Variants in MYBPC1 observed in about 807,000 individuals in gnomAD.
MYBPC1 encodes the protein myosin-binding protein C, slow-type.
A neutral mutation model predicts 147.1 loss-of-function variants in MYBPC1; 52 were observed. The ratio of observed to expected loss-of-function variants is 0.35; its 90% CI spans 0.28 to 0.45. The LOEUF is 0.45. MYBPC1 is among the 20% of genes least tolerant of loss of function. MYBPC1 has a pLI of 1.00. For synonymous variants in MYBPC1, 477 were observed against 475.9 expected, an observed-to-expected ratio of 1.00 and a Z score of -0.03; for missense variants, 1,228 against 1,440.3, an observed-to-expected ratio of 0.85 and a Z score of 2.39.
In MYBPC1 at chr12:101,646,296, T is replaced by G. The variant is rs554954286; in HGVS notation, c.966-467T>G. Among the ~76,000 whole-genome samples, 20 of 150,424 alleles carry G rather than the reference T, an allele frequency of 1.3e-4. No individual in the cohort carries two copies. The South Asian group carries it at 4.0e-3, about 30-fold the overall frequency. On this transcript the variant is annotated intron_variant, in intron 12 of 31. Coordinates refer to ENST00000361466, the MANE Select transcript of MYBPC1 (RefSeq NM_002465.4). Reference sequence around the variant, plus strand: ...AAGTATTATAAAGATAAAAATTGGTTTTTTTTTTTGGTTTGACGTTAAACT... The same window carrying G: ...AAGTATTATAAAGATAAAAATTGGTGTTTTTTTTTGGTTTGACGTTAAACT...
intron 24 of MYBPC1, among the ~76,000 whole-genome samples, chr12:101,671,961 T>A (rs1898830185): frequency 6.6e-6 from 1 of 152,166 alleles, no homozygotes; most frequent in African/African-American, 2.4e-5. Flanking sequence ...TTTCCTTACC[T>A]TGCTTGAGAA....
At chr12:101,692,664 A>T in the MYBPC1 span, among the ~76,000 whole-genome samples, 1 of 109,340 alleles carries the variant, frequency 9.1e-6, no homozygotes, top group Non-Finnish European at 2.3e-5. Flanking sequence ...GTGAGCTACT[A>T]TGTTAAGATA....
chr12:101,691,718 G>T, the MYBPC1 span, among the ~76,000 whole-genome samples: 1 of 152,178 alleles, frequency 6.6e-6, no homozygotes, highest in Non-Finnish European at 1.5e-5. Flanking sequence ...CTGTGTGAAG[G>T]GCATACAAGG....
At chr12:101,684,567 T>C in intron 31 of MYBPC1, 143 bp downstream of exon 31, 1 of 665,186 alleles carries the variant, frequency 1.5e-6, no homozygotes, top group Non-Finnish European at 2.6e-6. Flanking sequence ...TTTTAATTTG[T>C]ATTTCACTAT....
At chr12:101,641,538 AGTC>A (rs1892045838) in intron 10 of MYBPC1, among the ~76,000 whole-genome samples, 1 of 152,216 alleles carries the variant, frequency 6.6e-6, no homozygotes, top group African/African-American at 2.4e-5. Flanking sequence ...TGTGTTCTGT[AGTC>A]AATGATCAAA....
the MYBPC1 span, among the ~76,000 whole-genome samples, chr12:101,694,205 A>G: frequency 3.3e-5 from 5 of 152,196 alleles, no homozygotes; most frequent in Non-Finnish European, 7.3e-5. Context: ...GTGCCCCTCT[A>G]TAATTGCATT....
chr12:101,673,370 G>A lies in MYBPC1; in HGVS notation c.2614-57G>A, dbSNP rs374586177. 22 of 1,565,582 alleles carry A rather than the reference G, an allele frequency of 1.4e-5. No homozygotes were observed. In the African/African-American group the frequency reaches 1.5e-4, roughly 11 times the overall value. On this transcript the variant is annotated intron_variant, in intron 24 of 31. Coordinates refer to ENST00000361466, the MANE Select transcript of MYBPC1 (RefSeq NM_002465.4). ...CCACTGTCCTTCTCATAATGCTGAA[G>A]AAACATCTTGAGACAATATGATTTA...
At chr12:101,614,640 C>T in intron 2 of MYBPC1, 109 bp downstream of exon 2, 1 of 1,105,732 alleles carries the variant, frequency 9.0e-7, no homozygotes, top group Middle Eastern at 2.7e-4. Flanking sequence ...TAACCTAACT[C>T]CTACTGAGAA....
At chr12:101,694,779 T>C in the MYBPC1 span, among the ~76,000 whole-genome samples, 1 of 150,608 alleles carries the variant, frequency 6.6e-6, no homozygotes, top group Non-Finnish European at 1.5e-5. Flanking sequence ...TCACTCAACA[T>C]ATGCTTGTGC....
At chr12:101,638,939 G>A (rs1231442819) in intron 10 of MYBPC1, among the ~76,000 whole-genome samples, 2 of 151,802 alleles carry the variant, frequency 1.3e-5, no homozygotes, top group African/African-American at 4.8e-5. Context: ...TTTCCTACTA[G>A]TGAGTTGCAT....
intron 30 of MYBPC1, among the ~76,000 whole-genome samples, chr12:101,683,799 G>A (rs1303741216): frequency 6.6e-6 from 1 of 152,096 alleles, no homozygotes; most frequent in Admixed American, 6.5e-5. Flanking sequence ...GAGGAAAAAA[G>A]TAAGGTTCTT....
At chr12:101,639,546 G>A (rs1156569516) in intron 10 of MYBPC1, among the ~76,000 whole-genome samples, 1 of 152,210 alleles carries the variant, frequency 6.6e-6, no homozygotes, top group Non-Finnish European at 1.5e-5. Context: ...GAGGTCATTG[G>A]TGTTCTTATA....
intron 16 of MYBPC1, among the ~76,000 whole-genome samples, chr12:101,651,984 T>C (rs933365614): frequency 2.6e-5 from 4 of 152,166 alleles, no homozygotes; most frequent in South Asian, 2.1e-4. Flanking sequence ...TGAATTCTAA[T>C]TGAGGACCTG....
At chr12:101,660,010 G>C in intron 19 of MYBPC1, 179 bp downstream of exon 19, 2 of 772,452 alleles carry the variant, frequency 2.6e-6, no homozygotes, top group Non-Finnish European at 2.1e-6. Flanking sequence ...AGCCATTTGG[G>C]GTTGCTGGTC....
At chr12:101,665,373 C>A (rs1252903219) in intron 22 of MYBPC1, among the ~76,000 whole-genome samples, 2 of 152,110 alleles carry the variant, frequency 1.3e-5, no homozygotes, top group Non-Finnish European at 2.9e-5. Flanking sequence ...GTCCTCCAGA[C>A]TAATTTTCTA....
downstream of MYBPC1, among the ~76,000 whole-genome samples, chr12:101,688,427 AT>A (rs538581146): frequency 1.1e-4 from 17 of 152,114 alleles, no homozygotes; most frequent in East Asian, 9.7e-4. Context: ...TCAAAAAAAA[AT>A]TTTTTTTAAG....
chr12:101,599,694 GGGA>G (rs139583888), intron 1 of MYBPC1, among the ~76,000 whole-genome samples: 14,018 of 152,212 alleles, frequency 0.092, 918 homozygotes, highest in Non-Finnish European at 0.14. Flanking sequence ...AAAGGAATAG[GGGA>G]GGAGGAAAGA....
chr12:101,633,628 A>C (rs1264861413), intron 8 of MYBPC1, among the ~76,000 whole-genome samples: 1 of 151,524 alleles, frequency 6.6e-6, no homozygotes. Flanking sequence ...CGGAGGTTGC[A>C]GTGAGACAAG....
intron 9 of MYBPC1, among the ~76,000 whole-genome samples, chr12:101,635,408 A>G (rs1040826958): frequency 1.3e-5 from 2 of 152,202 alleles, no homozygotes; most frequent in Non-Finnish European, 2.9e-5. Context: ...ATAAAACAAT[A>G]ATTTAGCCTG....
Sources: allele counts gnomAD v4.1 joint callset (sites outside exome capture counted in the v4.1 genomes callset), GRCh38; gene constraint gnomAD v4.1.1; transcripts MANE v1.5; gene names NCBI Gene and HGNC (gene_info 2026-07-23, HGNC 2026-07-21).